SWAP70: variants seen among roughly 807,000 people sequenced by gnomAD.
SWAP70 encodes the protein switch-associated protein 70.
SWAP70 carries 34 observed loss-of-function variants against 80.2 expected under a neutral mutation model. The ratio of observed to expected loss-of-function variants is 0.42; its 90% CI spans 0.32 to 0.56. The LOEUF is 0.56. Ranked by LOEUF, SWAP70 falls within the 20% of genes least tolerant of loss-of-function variation. SWAP70 has a pLI of 0.09. For missense variants in SWAP70, 578 were observed against 690.7 expected (o/e 0.84, Z 1.83); for synonymous variants, 239 against 238.5 (o/e 1.00, Z -0.02).
intron 1 of SWAP70, among the ~76,000 whole-genome samples, chr11:9,685,914 C>T (rs551251232): frequency 1.2e-4 from 18 of 152,204 alleles, no homozygotes; most frequent in African/African-American, 3.9e-4. Context: ...GGATTACAGG[C>T]GTGAGCCATT....
exon 12 of SWAP70, chr11:9,752,986 GGGGTAAAGTT>G (rs1429502253): frequency 4.6e-5 from 7 of 152,100 alleles, no homozygotes; most frequent in African/African-American, 1.7e-4. Context: ...AAAACAGTGG[GGGGTAAAGTT>G]GGGTGTATCT....
At chr11:9,747,712 T>G in intron 9 of SWAP70, 146 bp from the exon 10 acceptor site, 1 of 754,834 alleles carries the variant, frequency 1.3e-6, no homozygotes, top group Non-Finnish European at 2.3e-6. Context: ...AATATGAGCT[T>G]CTCTGGCTCC....
chr11:9,742,872 C>G (rs1851458659), intron 9 of SWAP70, among the ~76,000 whole-genome samples: 1 of 139,064 alleles, frequency 7.2e-6, no homozygotes, highest in African/African-American at 2.8e-5. Flanking sequence ...GCTCAGTTAA[C>G]TCTTCTCACT....
intron 1 of SWAP70, among the ~76,000 whole-genome samples, chr11:9,684,474 A>G (rs528623198): frequency 6.6e-6 from 1 of 152,322 alleles, no homozygotes; most frequent in South Asian, 2.1e-4. Context: ...TAAGGAGGTG[A>G]TAGTCAAGGA....
chr11:9,673,890 ATTTGTTTG>A (rs111750602), intron 1 of SWAP70, among the ~76,000 whole-genome samples: 25 of 151,816 alleles, frequency 1.6e-4, no homozygotes, highest in South Asian at 4.2e-4. Flanking sequence ...TCATTGATTT[ATTTGTTTG>A]TTTGTTTGTT....
At chr11:9,697,750 G>A (rs1850776874) in intron 2 of SWAP70, among the ~76,000 whole-genome samples, 1 of 152,200 alleles carries the variant, frequency 6.6e-6, no homozygotes. Flanking sequence ...GCACGCCTAT[G>A]TATATGTGTG....
At chr11:9,728,948 A>G (rs369737) in intron 5 of SWAP70, among the ~76,000 whole-genome samples, 73,744 of 152,018 alleles carry the variant, frequency 0.49, 20,251 homozygotes, top group African/African-American at 0.76. Flanking sequence ...CAAGTGCAAG[A>G]AGAGAAAGCC....
chr11:9,694,518 TA>T (rs1850731748), intron 2 of SWAP70, among the ~76,000 whole-genome samples: 2 of 152,174 alleles, frequency 1.3e-5, no homozygotes. Context: ...TCTTTGAAAT[TA>T]AGAACTGTGT....
At chr11:9,736,393 A>G (rs1376153642) in intron 7 of SWAP70, among the ~76,000 whole-genome samples, 5 of 150,312 alleles carry the variant, frequency 3.3e-5, no homozygotes, top group Admixed American at 2.6e-4. Flanking sequence ...TTCCCTGTAT[A>G]TGGGCCATAC....
At chr11:9,729,071 T>G (rs1392780755) in intron 5 of SWAP70, among the ~76,000 whole-genome samples, 1 of 152,124 alleles carries the variant, frequency 6.6e-6, no homozygotes, top group Non-Finnish European at 1.5e-5. Context: ...GCAAGGGAGG[T>G]GCTCAGGATA....
rs374862329 is a variant in SWAP70 at position 9,703,397 on chromosome 11, T to C, written c.240+9111T>C. On this transcript the variant is annotated intron_variant, in intron 2 of 11. Transcript: ENST00000318950. ...GTTGGCCTTCTCTCTGTTCCCCAGA[T>C]TACCAAGACCCTTCCTGCCTCAGAG... 12 of 456,174 alleles carry C rather than the reference T, an allele frequency of 2.6e-5. No individual in the cohort carries two copies. In the East Asian group the frequency reaches 4.2e-4, roughly 16 times the overall value. The allele number at this position is 456,174 out of a possible 1,614,324, so 28.3% of individuals were successfully genotyped here.
rs998331354 is a variant in SWAP70, at chr11:9,752,690, G to C, written c.*2720G>C. 1 of 152,272 alleles carries C rather than the reference G, an allele frequency of 6.6e-6. No individual in the cohort carries two copies. The highest frequency in any genetic ancestry group is 1.5e-5 in the Non-Finnish European group (1 of 68,018). The allele number at this position is 152,272 out of a possible 1,614,324, so 9.4% of individuals were successfully genotyped here. On this transcript the variant is annotated 3_prime_UTR_variant, in exon 12 of 12. Transcript: ENST00000318950. ...AGAGTGTTTGAGTGCTTGTCATCAGGTGTTTTCCTTAATAAGTAGGGATAT... is the reference window on the plus strand; with the variant it reads ...AGAGTGTTTGAGTGCTTGTCATCAGCTGTTTTCCTTAATAAGTAGGGATAT...
chr11:9,706,127 A>G (rs71463737), intron 2 of SWAP70, among the ~76,000 whole-genome samples: 11 of 34,494 alleles, frequency 3.2e-4, no homozygotes, highest in East Asian at 3.8e-3. Context: ...TGATCTGTAT[A>G]CACTGGTGAT....
chr11:9,671,861 T>C (rs1850413537), intron 1 of SWAP70, among the ~76,000 whole-genome samples: 1 of 101,864 alleles, frequency 9.8e-6, no homozygotes. Context: ...ATAAATAAAT[T>C]ATATTTATAA....
At chr11:9,681,936 G>A (rs1363819528) in intron 1 of SWAP70, among the ~76,000 whole-genome samples, 1 of 152,148 alleles carries the variant, frequency 6.6e-6, no homozygotes, top group Admixed American at 6.5e-5. Context: ...GAGGAGTTGG[G>A]GAGTAAGGAG....
At chr11:9,683,859 T>C (rs537378077) in intron 1 of SWAP70, among the ~76,000 whole-genome samples, 28 of 152,308 alleles carry the variant, frequency 1.8e-4, no homozygotes, top group Middle Eastern at 3.4e-3. Context: ...GGTGCATCTC[T>C]GTGTCTACCT....
At chr11:9,711,023 T>TA (rs57939988) in intron 2 of SWAP70, among the ~76,000 whole-genome samples, 25 of 151,230 alleles carry the variant, frequency 1.7e-4, no homozygotes, top group African/African-American at 4.1e-4. Context: ...TTTATTTATT[T>TA]TTGTATTGTT....
chr11:9,750,007 C>A lies in SWAP70; in HGVS notation c.*37C>A. On this transcript the variant is annotated 3_prime_UTR_variant, in exon 12 of 12. Coordinates refer to ENST00000318950, the MANE Select transcript of SWAP70 (RefSeq NM_015055.4). ...GGCAGTCACGTCAGTTATGTAGATA[C>A]TGCATGGCAGGAGAGCTTTACGCTA... 7.2e-7 allele frequency: 1 copy of A among 1,393,584 alleles called. No individual in the cohort carries two copies. The highest frequency in any genetic ancestry group is 1.0e-6 in the Non-Finnish European group (1 of 981,168). 86.3% of individuals were successfully genotyped at this position (1,393,584 alleles called of 1,614,324 possible). A position where few individuals can be genotyped will look rare whatever the true frequency, so the allele number is the denominator to read the frequency against.
Position 9,724,682 on chromosome 11 carries a change from A to G in SWAP70, c.439A>G (p.Thr147Ala). Reference protein sequence around the residue: ...EEIEYLLKKLTEAMGGGWQQE... With the variant: ...EEIEYLLKKLAEAMGGGWQQE... ...GATTGAATACCTGCTTAAGAAGCTT[A>G]CAGAAGCTATGGGAGGAGGTTGGCA... Residue 147 changes from threonine to alanine, a missense_variant, in exon 4 of 12, where the codon ACA (threonine) becomes GCA (alanine). By Grantham distance (58) the Thr-to-Ala change is moderately conservative (BLOSUM62 0). Transcript: ENST00000318950. The G allele has an allele frequency of 6.2e-7, 1 of 1,613,598 alleles. No individual in the cohort carries two copies. The highest frequency in any genetic ancestry group is 8.5e-7 in the Non-Finnish European group (1 of 1,179,602).
Sources: allele counts gnomAD v4.1 joint callset (sites outside exome capture counted in the v4.1 genomes callset), GRCh38; gene constraint gnomAD v4.1.1; transcripts MANE v1.5; gene names NCBI Gene and HGNC (gene_info 2026-07-23, HGNC 2026-07-21).